KYNU: variants seen among roughly 807,000 people sequenced by gnomAD.
KYNU encodes the protein kynureninase.
A neutral mutation model predicts 59.2 loss-of-function variants in KYNU; 54 were observed. That is an observed-to-expected ratio of 0.91 (90% confidence interval 0.73 to 1.14). The LOEUF (loss-of-function observed/expected upper bound fraction) is 1.14, where lower values mean the gene tolerates loss of function less well. KYNU is among the 50% of genes most tolerant of loss of function. KYNU has a pLI of 0.00. For missense variants in KYNU, 567 were observed against 554.4 expected (o/e 1.02, Z -0.23); for synonymous variants, 177 against 192.0 (o/e 0.92, Z 0.65).
In KYNU at chr2:143,054,072, G is replaced by C. The variant is rs964526250; in HGVS notation, c.*11900G>C. 1 of 152,200 alleles carries C rather than the reference G, an allele frequency of 6.6e-6. No individual in the cohort carries two copies. The highest frequency in any genetic ancestry group is 2.4e-5 in the African/African-American group (1 of 41,430). The allele number at this position is 152,200 out of a possible 1,614,324, so 9.4% of individuals were successfully genotyped here. ...GCATTTTATGTTGATTCTTGAGTGA[G>C]AGAGTAGAAATAACACTGGTTTTTT... On this transcript the variant is annotated 3_prime_UTR_variant, in exon 14 of 14. Coordinates refer to ENST00000264170, the MANE Select transcript of KYNU (RefSeq NM_003937.3).
At chr2:142,879,849 A>T (rs1186535578) in intron 1 of KYNU, among the ~76,000 whole-genome samples, 2 of 152,208 alleles carry the variant, frequency 1.3e-5, no homozygotes, top group Non-Finnish European at 2.9e-5. Context: ...AGGAAAGTTG[A>T]ATTTTATTCA....
At chr2:142,882,700 G>A (rs550968733) in intron 1 of KYNU, among the ~76,000 whole-genome samples, 1 of 152,302 alleles carries the variant, frequency 6.6e-6, no homozygotes, top group Admixed American at 6.5e-5. Context: ...TGGTGTATAT[G>A]TGTCACATTT....
intron 10 of KYNU, among the ~76,000 whole-genome samples, chr2:143,028,662 A>G (rs1438985720): frequency 4.6e-5 from 7 of 151,584 alleles, no homozygotes; most frequent in African/African-American, 1.7e-4. Flanking sequence ...CCTGACCAAC[A>G]TGGTGAAACC....
At chr2:142,918,445 C>G (rs351701) in intron 2 of KYNU, among the ~76,000 whole-genome samples, 164 bp from the exon 3 acceptor site, 85,141 of 151,926 alleles carry the variant, frequency 0.56, 24,872 homozygotes, top group African/African-American at 0.71. Flanking sequence ...AAATGCAAAA[C>G]TTAATTATTT....
At chr2:142,880,292 A>T (rs1190999769) in intron 1 of KYNU, among the ~76,000 whole-genome samples, 1 of 152,222 alleles carries the variant, frequency 6.6e-6, no homozygotes, top group African/African-American at 2.4e-5. Context: ...AAAACATCTC[A>T]TGGAATTTTA....
chr2:142,959,664 T>G (rs1359389980), intron 7 of KYNU, among the ~76,000 whole-genome samples: 6 of 152,194 alleles, frequency 3.9e-5, no homozygotes. Flanking sequence ...TTTAACTAAT[T>G]TTTTTCAGCT....
intron 10 of KYNU, chr2:142,989,021 C>T: frequency 1.4e-6 from 1 of 735,070 alleles, no homozygotes; most frequent in Non-Finnish European, 2.3e-6. Flanking sequence ...TCAAATACCA[C>T]CTGTGAGAAG....
At chr2:142,938,721 A>G (rs1298217070) in intron 4 of KYNU, among the ~76,000 whole-genome samples, 2 of 152,174 alleles carry the variant, frequency 1.3e-5, no homozygotes, top group Non-Finnish European at 2.9e-5. Flanking sequence ...ATGAAAATCT[A>G]TTTTTATACA....
At chr2:142,965,256 T>C (rs182269642) in intron 8 of KYNU, among the ~76,000 whole-genome samples, 1 of 152,360 alleles carries the variant, frequency 6.6e-6, no homozygotes, top group Non-Finnish European at 1.5e-5. Flanking sequence ...GTCACCATCT[T>C]TCTGGACCAG....
chr2:143,026,274 T>C (rs1686554913), intron 10 of KYNU, among the ~76,000 whole-genome samples: 2 of 152,228 alleles, frequency 1.3e-5, no homozygotes, highest in Admixed American at 6.5e-5. Flanking sequence ...TATCTCTTCA[T>C]ATGCAAAGGT....
At position 143,048,358 on chromosome 2, in the gene KYNU, CT is replaced by C. The variant is rs1338558718; in HGVS notation, c.*6187del. The C allele has an allele frequency of 6.6e-6, 1 of 152,098 alleles. No individual in the cohort carries two copies. The highest frequency in any genetic ancestry group is 1.5e-5 in the Non-Finnish European group (1 of 68,004). 9.4% of individuals were successfully genotyped at this position (152,098 alleles called of 1,614,324 possible). A position where few individuals can be genotyped will look rare whatever the true frequency, so the allele number is the denominator to read the frequency against. ...CCATTTTTTATAACTCTCCTTCTGA[CT>C]AGTTGAAGAAATGAGAATGCTTTAA... On this transcript the variant is annotated 3_prime_UTR_variant, in exon 14 of 14. Transcript: ENST00000264170.
At chr2:142,985,340 T>A (rs1685168433) in intron 9 of KYNU, among the ~76,000 whole-genome samples, 158 bp downstream of exon 9, 1 of 152,012 alleles carries the variant, frequency 6.6e-6, no homozygotes, top group Non-Finnish European at 1.5e-5. Flanking sequence ...TATGATGGAA[T>A]AGTATGATAA....
chr2:143,016,904 T>C (rs1223913620), intron 10 of KYNU, among the ~76,000 whole-genome samples: 2 of 152,130 alleles, frequency 1.3e-5, no homozygotes. Context: ...CTCTCCTCGC[T>C]TTAGTAGTCC....
At chr2:142,967,240 A>G (rs917254816) in intron 8 of KYNU, 2 of 152,142 alleles carry the variant, frequency 1.3e-5, no homozygotes, top group Non-Finnish European at 1.5e-5. Context: ...TGAATGAATG[A>G]TTCCCTTAAT....
At chr2:142,905,419 C>T (rs1185976553) in intron 2 of KYNU, among the ~76,000 whole-genome samples, 3 of 152,122 alleles carry the variant, frequency 2.0e-5, no homozygotes, top group Non-Finnish European at 4.4e-5. Context: ...GTTTTTTTCT[C>T]AATCACCCGA....
chr2:142,952,783 C>T (rs749636683), intron 4 of KYNU, among the ~76,000 whole-genome samples: 2 of 152,110 alleles, frequency 1.3e-5, no homozygotes, highest in Non-Finnish European at 2.9e-5. Context: ...TTTCCTGCCT[C>T]TTCCATTTCT....
chr2:142,908,035 T>G (rs1682357050), intron 2 of KYNU, among the ~76,000 whole-genome samples: 1 of 152,252 alleles, frequency 6.6e-6, no homozygotes, highest in African/African-American at 2.4e-5. Flanking sequence ...ATAGGTAATT[T>G]CTCAATTAAA....
chr2:142,926,321 A>C (rs1485985645), intron 3 of KYNU, among the ~76,000 whole-genome samples: 1 of 152,236 alleles, frequency 6.6e-6, no homozygotes, highest in Non-Finnish European at 1.5e-5. Flanking sequence ...TCAAATATTT[A>C]TCTTTTTAAT....
intron 3 of KYNU, among the ~76,000 whole-genome samples, chr2:142,926,178 A>G (rs1683040154): frequency 1.3e-5 from 2 of 152,124 alleles, no homozygotes; most frequent in African/African-American, 4.8e-5. Flanking sequence ...TACCTAATGT[A>G]GGTGACGGGT....
Sources: gnomAD v4.1 joint callset for allele counts (sites outside exome capture counted in the v4.1 genomes callset) on GRCh38, gnomAD v4.1.1 for gene constraint, MANE v1.5 for transcripts, NCBI Gene and HGNC (gene_info 2026-07-23, HGNC 2026-07-21) for gene names.